LHFPL6: variants seen among roughly 807,000 people sequenced by gnomAD.
LHFPL6 encodes LHFPL tetraspan subfamily member 6 protein.
In LHFPL6, 9 loss-of-function variants were observed where a neutral mutation model predicts 20.6. The observed-to-expected ratio is 0.44, with a 90% CI of 0.26 to 0.76. LHFPL6 has a LOEUF of 0.76. Ranked by LOEUF, LHFPL6 falls within the 30% of genes least tolerant of loss-of-function variation. LHFPL6 has a pLI of 0.20. For missense variants in LHFPL6, 218 were observed against 253.5 expected, an observed-to-expected ratio of 0.86 and a Z score of 0.95; for synonymous variants, 105 against 98.7, an observed-to-expected ratio of 1.06 and a Z score of -0.38.
At chr13:39,395,365 A>G (rs954350364) in intron 2 of LHFPL6, among the ~76,000 whole-genome samples, 4 of 152,212 alleles carry the variant, frequency 2.6e-5, no homozygotes, top group Non-Finnish European at 5.9e-5. Flanking sequence ...GGATCAGCTG[A>G]GACCATTTAA....
At chr13:39,369,567 T>TTTCCTTCCTTCCTTCCTTCC (rs776843003) in intron 3 of LHFPL6, among the ~76,000 whole-genome samples, 1,974 of 27,906 alleles carry the variant, frequency 0.071, 167 homozygotes, top group Middle Eastern at 0.091. Flanking sequence ...TCATAGTAGG[T>TTTCCTTCCTTCCTTCCTTCC]TTCCTTCCTT....
intron 2 of LHFPL6, among the ~76,000 whole-genome samples, chr13:39,437,086 T>C (rs1380539308): frequency 6.6e-6 from 1 of 152,230 alleles, no homozygotes; most frequent in Non-Finnish European, 1.5e-5. Context: ...TGGTAAGTGC[T>C]CAAAACATGT....
chr13:39,382,472 G>A (rs1870467642), intron 2 of LHFPL6, among the ~76,000 whole-genome samples: 1 of 151,982 alleles, frequency 6.6e-6, no homozygotes, highest in Non-Finnish European at 1.5e-5. Flanking sequence ...GTGTGATCTT[G>A]GCTTACTCCT....
Position 39,343,655 on chromosome 13 carries a change from CATTAACAATACTCTGTGG to C in LHFPL6, c.*263_*280del. On this transcript the variant is annotated 3_prime_UTR_variant, in exon 4 of 4. Coordinates refer to ENST00000379589, the MANE Select transcript of LHFPL6 (RefSeq NM_005780.3). ...TGTGTGTGTGTGTGTGTGTGTTGTA[CATTAACAATACTCTGTGG>C]AATAGAAACACCCGATGCCCTGCAA... is the stretch of plus-strand genomic sequence containing the variant. 1 of 243,396 alleles carries C rather than the reference CATTAACAATACTCTGTGG, an allele frequency of 4.1e-6. No homozygotes were observed. Among genetic ancestry groups the C allele is most frequent in the East Asian group, 7.1e-5 (1 of 14,182 alleles). The allele number at this position is 243,396 out of a possible 1,614,324, so 15.1% of individuals were successfully genotyped here. A position where few individuals can be genotyped will look rare whatever the true frequency, so the allele number is the denominator to read the frequency against.
intron 2 of LHFPL6, among the ~76,000 whole-genome samples, chr13:39,473,343 A>C (rs7329024): frequency 0.028 from 3,448 of 122,856 alleles, 131 homozygotes; most frequent in African/African-American, 0.13. Flanking sequence ...ATCACACACA[A>C]ACACACACAC....
chr13:39,422,727 G>A (rs1871528601), intron 2 of LHFPL6, among the ~76,000 whole-genome samples: 1 of 152,124 alleles, frequency 6.6e-6, no homozygotes, highest in African/African-American at 2.4e-5. Flanking sequence ...TGGGTTAGGA[G>A]CCTCATTTGT....
chr13:39,602,223 C>T (rs936568480), intron 1 of LHFPL6, among the ~76,000 whole-genome samples: 1 of 152,168 alleles, frequency 6.6e-6, no homozygotes, highest in Non-Finnish European at 1.5e-5. Context: ...TTAACCATTT[C>T]TCACACTTTC....
chr13:39,377,081 G>A (rs1870309996), intron 3 of LHFPL6, among the ~76,000 whole-genome samples: 1 of 152,052 alleles, frequency 6.6e-6, no homozygotes, highest in African/African-American at 2.4e-5. Flanking sequence ...TCTTACCTCC[G>A]GCAATACAAG....
chr13:39,506,725 G>C (rs973234101), intron 2 of LHFPL6, among the ~76,000 whole-genome samples: 2 of 152,164 alleles, frequency 1.3e-5, no homozygotes, highest in Admixed American at 1.3e-4. Flanking sequence ...TAGGGAGGTG[G>C]GGGGGAAGGT....
chr13:39,418,645 C>A (rs1483640890), intron 2 of LHFPL6, among the ~76,000 whole-genome samples: 1 of 152,182 alleles, frequency 6.6e-6, no homozygotes, highest in African/African-American at 2.4e-5. Context: ...CAAGGCCCCT[C>A]ATTAAAGCAG....
intron 2 of LHFPL6, among the ~76,000 whole-genome samples, chr13:39,460,797 C>T (rs143167052): frequency 9.0e-4 from 137 of 152,262 alleles, no homozygotes; most frequent in African/African-American, 3.0e-3. Context: ...TAAAACAAGA[C>T]GTCCTTTCAT....
intron 3 of LHFPL6, among the ~76,000 whole-genome samples, chr13:39,349,749 T>C (rs1049761383): frequency 1.3e-5 from 2 of 152,092 alleles, no homozygotes; most frequent in Non-Finnish European, 2.9e-5. Flanking sequence ...AGAAGTGAGA[T>C]CTAAGCCAAG....
chr13:39,434,060 A>T (rs565626479), intron 2 of LHFPL6, among the ~76,000 whole-genome samples: 2 of 152,262 alleles, frequency 1.3e-5, no homozygotes, highest in South Asian at 4.2e-4. Flanking sequence ...ACCTCCTGCA[A>T]CCACATCTAC....
At chr13:39,546,046 G>C (rs1382073653) in intron 2 of LHFPL6, among the ~76,000 whole-genome samples, 1 of 152,026 alleles carries the variant, frequency 6.6e-6, no homozygotes, top group Non-Finnish European at 1.5e-5. Context: ...TGGATATGAA[G>C]GGGCAACTCT....
At chr13:39,390,313 C>T (rs1232431273) in intron 2 of LHFPL6, among the ~76,000 whole-genome samples, 2 of 151,822 alleles carry the variant, frequency 1.3e-5, no homozygotes, top group Non-Finnish European at 2.9e-5. Flanking sequence ...CTGGGCAACA[C>T]AGCAAGACTC....
At chr13:39,595,433 C>T (rs1298979144) in intron 2 of LHFPL6, among the ~76,000 whole-genome samples, 1 of 152,156 alleles carries the variant, frequency 6.6e-6, no homozygotes, top group Non-Finnish European at 1.5e-5. Context: ...GCTGGAACTA[C>T]AGGCACACGC....
intron 2 of LHFPL6, among the ~76,000 whole-genome samples, chr13:39,562,515 T>TATAC (rs1871546595): frequency 8.7e-6 from 1 of 114,856 alleles, no homozygotes; most frequent in Non-Finnish European, 1.9e-5. Context: ...CATATATACA[T>TATAC]ATATACACAT....
At chr13:39,448,985 T>G (rs1434368734) in intron 2 of LHFPL6, among the ~76,000 whole-genome samples, 2 of 152,244 alleles carry the variant, frequency 1.3e-5, no homozygotes, top group African/African-American at 4.8e-5. Context: ...CTAATCCCAA[T>G]GCTGTCAGAC....
At chr13:39,404,810 C>T (rs1871079817) in intron 2 of LHFPL6, among the ~76,000 whole-genome samples, 1 of 152,168 alleles carries the variant, frequency 6.6e-6, no homozygotes, top group African/African-American at 2.4e-5. Context: ...GAGCCAAGAC[C>T]TAGACTGTTT....
Sources: allele counts gnomAD v4.1 joint callset (sites outside exome capture counted in the v4.1 genomes callset), GRCh38; gene constraint gnomAD v4.1.1; transcripts MANE v1.5; gene names NCBI Gene and HGNC (gene_info 2026-07-23, HGNC 2026-07-21).